Variants in MALRD1 observed in about 807,000 individuals in gnomAD.
MALRD1 encodes MAM and LDL-receptor class A domain-containing protein 1.
A neutral mutation model predicts 242.1 loss-of-function variants in MALRD1; 247 were observed. The ratio of observed to expected loss-of-function variants is 1.02; its 90% CI spans 0.92 to 1.13. The LOEUF (loss-of-function observed/expected upper bound fraction) is 1.13. MALRD1 is among the 50% of genes most tolerant of loss of function. MALRD1 has a pLI of 0.00. For missense variants in MALRD1, 2,989 were observed against 2,533.1 expected (o/e 1.18, Z -3.86); for synonymous variants, 995 against 866.6 (o/e 1.15, Z -2.60).
At chr10:19,414,354 A>T (rs1297011735) in intron 28 of MALRD1, among the ~76,000 whole-genome samples, 1 of 152,184 alleles carries the variant, frequency 6.6e-6, no homozygotes, top group Non-Finnish European at 1.5e-5. Flanking sequence ...AATTTTAAAA[A>T]ATATATTGTT....
chr10:19,146,174 T>C (rs1833720259), intron 10 of MALRD1, 24 bp from the exon 11 acceptor site: 5 of 1,231,434 alleles, frequency 4.1e-6, no homozygotes, highest in South Asian at 4.1e-5. Flanking sequence ...TCTCCTCACC[T>C]GTTTTCTCTT....
chr10:19,616,489 AT>A (rs1399103839), intron 36 of MALRD1, among the ~76,000 whole-genome samples: 33 of 151,970 alleles, frequency 2.2e-4, no homozygotes, highest in Non-Finnish European at 4.6e-4. Context: ...AGATGGCTTG[AT>A]TTCTTCTCTC....
At chr10:19,387,043 A>G (rs1846110508) in intron 26 of MALRD1, among the ~76,000 whole-genome samples, 1 of 152,200 alleles carries the variant, frequency 6.6e-6, no homozygotes, top group African/African-American at 2.4e-5. Flanking sequence ...ATATATGCAT[A>G]GCCGTGCTTC....
intron 18 of MALRD1, among the ~76,000 whole-genome samples, chr10:19,226,417 G>GA (rs1239103424): frequency 2.6e-5 from 4 of 152,088 alleles, no homozygotes; most frequent in Admixed American, 6.6e-5. Context: ...ATAAGATTAT[G>GA]AAAAATGCAA....
At chr10:19,275,721 C>G (rs928610873) in intron 19 of MALRD1, among the ~76,000 whole-genome samples, 1 of 151,922 alleles carries the variant, frequency 6.6e-6, no homozygotes, top group Non-Finnish European at 1.5e-5. Flanking sequence ...TCAGTAAATC[C>G]TAGGTATTTG....
At chr10:19,256,858 A>G (rs941618984) in intron 18 of MALRD1, among the ~76,000 whole-genome samples, 1 of 152,148 alleles carries the variant, frequency 6.6e-6, no homozygotes, top group Admixed American at 6.6e-5. Flanking sequence ...ATATGTTCAT[A>G]TAATAATGGG....
At chr10:19,292,252 T>C (rs971579189) in intron 21 of MALRD1, among the ~76,000 whole-genome samples, 1 of 152,106 alleles carries the variant, frequency 6.6e-6, no homozygotes, top group African/African-American at 2.4e-5. Context: ...TTTCTGTCGT[T>C]TTTGCATACA....
At chr10:19,288,891 C>A (rs897417379) in intron 21 of MALRD1, among the ~76,000 whole-genome samples, 12 of 152,090 alleles carry the variant, frequency 7.9e-5, no homozygotes, top group African/African-American at 2.9e-4. Context: ...CCTCCTTCTG[C>A]AGATGGGCCT....
Position 19,492,173 on chromosome 10 carries a change from A to G in MALRD1, c.5158+528A>G, listed in dbSNP as rs180816786. Among the ~76,000 whole-genome samples the G allele has an allele frequency of 3.7e-4, 56 of 152,326 alleles. No individual in the cohort carries two copies. The East Asian group carries it at 7.5e-3, about 20-fold the overall frequency. On this transcript the variant is annotated intron_variant, in intron 30 of 39. Transcript: ENST00000454679. ...TTTAATTCAAGCAATGTTTAAAAAC[A>G]TATATAAAACTAAGTATATAATTTT...
intron 32 of MALRD1, among the ~76,000 whole-genome samples, chr10:19,562,986 T>C (rs1836064259): frequency 6.6e-6 from 1 of 152,194 alleles, no homozygotes; most frequent in Non-Finnish European, 1.5e-5. Flanking sequence ...GGATCACTGC[T>C]CTAATGGATC....
intron 18 of MALRD1, among the ~76,000 whole-genome samples, chr10:19,240,551 C>T (rs1294684725): frequency 6.6e-6 from 1 of 151,962 alleles, no homozygotes; most frequent in East Asian, 1.9e-4. Context: ...GTTTGGATCC[C>T]TCTTATTTAT....
intron 18 of MALRD1, among the ~76,000 whole-genome samples, chr10:19,210,513 A>T (rs1365306867): frequency 1.3e-5 from 2 of 152,188 alleles, no homozygotes; most frequent in East Asian, 1.9e-4. Context: ...TTGTTCTTTC[A>T]TCCTGTAGTC....
At chr10:19,079,779 G>A (rs935698922) in intron 2 of MALRD1, among the ~76,000 whole-genome samples, 3 of 151,832 alleles carry the variant, frequency 2.0e-5, no homozygotes, top group African/African-American at 4.8e-5. Context: ...GGGTAATCAG[G>A]CAAGAGAAAG....
At chr10:19,581,882 T>C (rs1051329044) in intron 33 of MALRD1, among the ~76,000 whole-genome samples, 4 of 152,152 alleles carry the variant, frequency 2.6e-5, no homozygotes, top group Non-Finnish European at 4.4e-5. Context: ...CCAGCACCTG[T>C]TGTTTCCTGA....
intron 18 of MALRD1, among the ~76,000 whole-genome samples, chr10:19,216,964 A>G (rs1402836617): frequency 6.9e-6 from 1 of 144,650 alleles, no homozygotes; most frequent in Non-Finnish European, 1.5e-5. Context: ...AAAAATAAAA[A>G]TAAAATAAAA....
chr10:19,361,421 G>A (rs1489047324), intron 26 of MALRD1, among the ~76,000 whole-genome samples: 2 of 152,086 alleles, frequency 1.3e-5, no homozygotes, highest in Non-Finnish European at 2.9e-5. Flanking sequence ...CTAAAGAGCT[G>A]CCATATCAGC....
At chr10:19,074,438 G>A (rs1835255178) in intron 2 of MALRD1, among the ~76,000 whole-genome samples, 1 of 152,112 alleles carries the variant, frequency 6.6e-6, no homozygotes, top group South Asian at 2.1e-4. Flanking sequence ...GTGTTTGTGT[G>A]TGTGCATGAA....
chr10:19,587,309 A>G (rs1200868046), intron 33 of MALRD1, among the ~76,000 whole-genome samples: 2 of 152,344 alleles, frequency 1.3e-5, no homozygotes, highest in Middle Eastern at 3.4e-3. Context: ...ACAGTTACCC[A>G]TTTGTAACAG....
Position 19,595,494 on chromosome 10 carries a change from G to C in MALRD1, c.5944+37G>C, listed in dbSNP as rs1393776995. On this transcript the variant is annotated intron_variant, in intron 34 of 39. Transcript: ENST00000454679. Reference sequence around the variant, plus strand: ...TCACTAACTCAATGTGTAAGGGAAGGCATGCTGCTTTAAAATGAGAAAGAA... The same window carrying C: ...TCACTAACTCAATGTGTAAGGGAAGCCATGCTGCTTTAAAATGAGAAAGAA... 4 of 1,524,282 alleles carry C rather than the reference G, an allele frequency of 2.6e-6. No individual in the cohort carries two copies. The African/African-American group carries it at 4.2e-5, about 16-fold the overall frequency. The allele number at this position is 1,524,282 out of a possible 1,614,324, so 94.4% of individuals were successfully genotyped here.
Sources: gnomAD v4.1 joint callset for allele counts (sites outside exome capture counted in the v4.1 genomes callset) on GRCh38, gnomAD v4.1.1 for gene constraint, MANE v1.5 for transcripts, NCBI Gene and HGNC (gene_info 2026-07-23, HGNC 2026-07-21) for gene names.